Variants in OGFOD1 observed in about 807,000 individuals in gnomAD.
The protein encoded by OGFOD1 is prolyl 3-hydroxylase OGFOD1.
OGFOD1 carries 54 observed loss-of-function variants against 67.7 expected under a neutral mutation model. The ratio of observed to expected loss-of-function variants is 0.80; its 90% confidence interval spans 0.64 to 1.00. The LOEUF is 1.00. Ranked by LOEUF, OGFOD1 falls within the 50% of genes least tolerant of loss-of-function variation. OGFOD1 has a pLI of 0.00. For missense variants in OGFOD1, 606 were observed against 646.7 expected (o/e 0.94, Z 0.68); for synonymous variants, 221 against 227.0 (o/e 0.97, Z 0.24).
At position 56,461,105 on chromosome 16, in the gene OGFOD1, C is replaced by T. The variant is rs183457423; in HGVS notation, c.348-1429C>T. Reference sequence around the variant, plus strand: ...TTTTAATCTTCTAAAACAGTGCCACCCAAGTGTTCATTAAATGGCGGTACC... The same window carrying T: ...TTTTAATCTTCTAAAACAGTGCCACTCAAGTGTTCATTAAATGGCGGTACC... On this transcript the variant is annotated intron_variant, in intron 3 of 12. Coordinates refer to ENST00000566157, the MANE Select transcript of OGFOD1 (RefSeq NM_018233.4). Among the ~76,000 whole-genome samples, 10 of 152,234 alleles carry T rather than the reference C, an allele frequency of 6.6e-5. No individual in the cohort carries two copies. In the East Asian group the frequency reaches 1.2e-3, roughly 18 times the overall value.
At chr16:56,469,010 C>T (rs1963028590) in intron 8 of OGFOD1, among the ~76,000 whole-genome samples, 1 of 152,188 alleles carries the variant, frequency 6.6e-6, no homozygotes, top group Admixed American at 6.5e-5. Context: ...CTCTCTCTAG[C>T]AATTTTATAG....
chr16:56,465,280 G>C (rs140156649), intron 4 of OGFOD1, among the ~76,000 whole-genome samples: 1 of 152,110 alleles, frequency 6.6e-6, no homozygotes, highest in Non-Finnish European at 1.5e-5. Flanking sequence ...GATTACAGGC[G>C]TGAGCCACCG....
At chr16:56,457,588 A>G (rs1462181039) in intron 2 of OGFOD1, among the ~76,000 whole-genome samples, 1 of 135,564 alleles carries the variant, frequency 7.4e-6, no homozygotes, top group Non-Finnish European at 1.6e-5. Context: ...TGTTCTCAAA[A>G]ACTCCAATGA....
At chr16:56,468,833 A>G (rs1162696400) in intron 8 of OGFOD1, among the ~76,000 whole-genome samples, 1 of 151,944 alleles carries the variant, frequency 6.6e-6, no homozygotes, top group African/African-American at 2.4e-5. Flanking sequence ...TTTTGTCTTC[A>G]GTTAAACTGG....
At position 56,476,280 on chromosome 16, in the gene OGFOD1, T is replaced by C; in HGVS notation, c.*75T>C. 7.1e-7 allele frequency: 1 copy of C among 1,417,164 alleles called. No homozygotes were observed. The highest frequency in any genetic ancestry group is 1.3e-5 in the South Asian group (1 of 74,380). The allele number at this position is 1,417,164 out of a possible 1,614,324, so 87.8% of individuals were successfully genotyped here. On this transcript the variant is annotated 3_prime_UTR_variant, in exon 13 of 13. Transcript: ENST00000566157. ...AAGTCTGAAAGAGCTAAGCATGGAG[T>C]CAAGGAGAACTACATGGTAGCTTGC...
chr16:56,452,284 C>G (rs1030937168), intron 1 of OGFOD1: 1 of 152,972 alleles, frequency 6.5e-6, no homozygotes, highest in Non-Finnish European at 1.5e-5. Flanking sequence ...GGGCATTGCT[C>G]AGCTGTCCCA....
At position 56,462,588 on chromosome 16, in the gene OGFOD1, C is replaced by A. The variant is rs764287170; in HGVS notation, c.402C>A (p.Asp134Glu). The A allele has an allele frequency of 6.2e-7, 1 of 1,612,988 alleles. No homozygotes were observed. The highest frequency in any genetic ancestry group is 8.5e-7 in the Non-Finnish European group (1 of 1,179,136). The change falls in exon 4 of 13, where the codon GAC becomes GAA. Residue 134 changes from aspartate to glutamate, a missense_variant. By Grantham distance (45) the Asp-to-Glu change is conservative. Transcript: ENST00000566157. ...RSWLSDISKIDLESTIDMSCA... is the reference protein window; with the variant it reads ...RSWLSDISKIELESTIDMSCA... ...GGCTTTCTGATATTTCTAAAATTGA[C>A]CTGGAATCAACCATTGACATGTCCT...
intron 8 of OGFOD1, among the ~76,000 whole-genome samples, chr16:56,468,968 C>A (rs773767061): frequency 6.6e-6 from 1 of 152,110 alleles, no homozygotes; most frequent in African/African-American, 2.4e-5. Flanking sequence ...AGCTATTCCT[C>A]CATGAAAAAA....
intron 4 of OGFOD1, among the ~76,000 whole-genome samples, 191 bp downstream of exon 4, chr16:56,462,825 C>G (rs1962758547): frequency 6.6e-6 from 1 of 152,188 alleles, no homozygotes; most frequent in Non-Finnish European, 1.5e-5. Context: ...GGTTGTCTTT[C>G]AGAATATGAT....
At chr16:56,460,211 A>T (rs573151720) in intron 3 of OGFOD1, among the ~76,000 whole-genome samples, 1 of 152,348 alleles carries the variant, frequency 6.6e-6, no homozygotes, top group East Asian at 1.9e-4. Context: ...ACTGAGTTAC[A>T]TTCCACACTA....
In OGFOD1 at chr16:56,469,798, C is replaced by T. The variant is rs565126462; in HGVS notation, c.901-205C>T. 2.0e-4 allele frequency among the ~76,000 whole-genome samples: 28 copies of T among 138,296 alleles called. No homozygotes were observed. The South Asian group carries it at 5.1e-3, about 25-fold the overall frequency. 90.7% of individuals were successfully genotyped at this position (138,296 alleles called of 152,430 possible). ...CCAGGAGGTGGAGGTTGTGGTGGGC[C>T]GAGATCACGCCATTGTACTCCAGCC... On this transcript the variant is annotated intron_variant, in intron 8 of 12. Coordinates refer to ENST00000566157, the MANE Select transcript of OGFOD1 (RefSeq NM_018233.4).
intron 8 of OGFOD1, among the ~76,000 whole-genome samples, chr16:56,468,227 TC>T (rs1405281786): frequency 1.3e-5 from 2 of 152,134 alleles, no homozygotes; most frequent in Non-Finnish European, 2.9e-5. Context: ...CCTTGGATAT[TC>T]CCCAGTTCTC....
intron 8 of OGFOD1, among the ~76,000 whole-genome samples, chr16:56,469,628 A>G (rs549021305): frequency 1.3e-5 from 2 of 152,112 alleles, no homozygotes; most frequent in South Asian, 4.2e-4. Context: ...TCCAAGGTGG[A>G]CAGATCACCT....
At chr16:56,456,844 G>A (rs1221671264) in intron 2 of OGFOD1, among the ~76,000 whole-genome samples, 1 of 152,116 alleles carries the variant, frequency 6.6e-6, no homozygotes, top group African/African-American at 2.4e-5. Context: ...AAATGCACTC[G>A]ATGATGCTGA....
intron 3 of OGFOD1, 42 bp from the exon 4 acceptor site, chr16:56,462,492 C>A: frequency 1.6e-6 from 2 of 1,278,226 alleles, no homozygotes; most frequent in Non-Finnish European, 2.3e-6. Flanking sequence ...ACCTAGATCC[C>A]ACACTGTGGC....
rs533830960 is a variant in OGFOD1, at chr16:56,476,199, T to C, written c.1623T>C (p.Tyr541=). The C allele has an allele frequency of 5.6e-6, 9 of 1,611,098 alleles. No homozygotes were observed. The East Asian group carries it at 2.0e-4, about 36-fold the overall frequency. ...TGFWDFSFIY[Y]E is the part of the protein sequence containing the mutation. The stretch of plus-strand genomic sequence containing the variant: ...TCTGGGACTTTTCATTCATCTATTA[T>C]GAATGACAGCACTGGGCAAAGCTGA... The change falls in exon 13 of 13, where the codon TAT becomes TAC. Residue 541 remains tyrosine (Y), a synonymous_variant. Transcript: ENST00000566157.
Position 56,468,012 on chromosome 16 carries a change from T to C in OGFOD1, c.894T>C (p.Phe298=). 6.6e-7 allele frequency: 1 copy of C among 1,519,674 alleles called. No homozygotes were observed. The highest frequency in any genetic ancestry group is 1.7e-4 in the Middle Eastern group (1 of 5,886). 94.1% of individuals were successfully genotyped at this position (1,519,674 alleles called of 1,614,324 possible). The change falls in exon 8 of 13, where the codon TTT becomes TTC. Residue 298 remains phenylalanine, a synonymous_variant. Coordinates refer to ENST00000566157, the MANE Select transcript of OGFOD1 (RefSeq NM_018233.4). ...EESSEILLKE[F]LKPEKFTKVC... The stretch of plus-strand genomic sequence containing the variant: ...GTTCTGAAATTCTCCTGAAGGAGTT[T>C]CTTAAGGTAAGCTTAGCGTATGTTG...
At chr16:56,453,073 C>A (rs1962396100) in intron 1 of OGFOD1, among the ~76,000 whole-genome samples, 190 bp from the exon 2 acceptor site, 1 of 152,164 alleles carries the variant, frequency 6.6e-6, no homozygotes, top group Admixed American at 6.5e-5. Flanking sequence ...AGCATGGTAT[C>A]TTTAAAAGTA....
chr16:56,471,285 CG>C (rs1357535225), intron 10 of OGFOD1, among the ~76,000 whole-genome samples: 2 of 151,024 alleles, frequency 1.3e-5, no homozygotes, highest in East Asian at 3.9e-4. Flanking sequence ...TCACTTGAAC[CG>C]GGGAGGAGGA....
Sources: gnomAD v4.1 joint callset for allele counts (sites outside exome capture counted in the v4.1 genomes callset) on GRCh38, gnomAD v4.1.1 for gene constraint, MANE v1.5 for transcripts, NCBI Gene and HGNC (gene_info 2026-07-23, HGNC 2026-07-21) for gene names.